Variants in GPHN observed in about 807,000 individuals in gnomAD.
The protein encoded by GPHN is gephyrin.
Under a neutral mutation model 95.5 loss-of-function variants are expected in GPHN, and 17 were observed. The ratio of observed to expected loss-of-function variants is 0.18; its 90% CI spans 0.12 to 0.27. The LOEUF (loss-of-function observed/expected upper bound fraction) is 0.27. Ranked by LOEUF, GPHN falls within the 10% of genes least tolerant of loss-of-function variation. The pLI, the probability that GPHN is intolerant of heterozygous loss-of-function variation, is 1.00. For missense variants in GPHN, 660 were observed against 978.1 expected (o/e 0.67, Z 4.34); for synonymous variants, 320 against 322.5 (o/e 0.99, Z 0.08).
chr14:67,499,671 C>T, the GPHN span, among the ~76,000 whole-genome samples: 181 of 152,078 alleles, frequency 1.2e-3, no homozygotes, highest in Admixed American at 2.7e-3. Flanking sequence ...GAAGCATGGA[C>T]AGGAATAGGG....
intron 4 of GPHN, among the ~76,000 whole-genome samples, chr14:66,832,121 T>G (rs2061603691): frequency 6.6e-6 from 1 of 152,160 alleles, no homozygotes; most frequent in Non-Finnish European, 1.5e-5. Flanking sequence ...CATTCCAACC[T>G]GGGTGACAGA....
At chr14:67,717,176 AG>A in the GPHN span, among the ~76,000 whole-genome samples, 1 of 152,172 alleles carries the variant, frequency 6.6e-6, no homozygotes, top group South Asian at 2.1e-4. Context: ...ATACAGTGAA[AG>A]GCACAAGTCT....
At chr14:67,441,156 C>G in the GPHN span, among the ~76,000 whole-genome samples, 2 of 152,062 alleles carry the variant, frequency 1.3e-5, no homozygotes, top group African/African-American at 4.8e-5. Context: ...AAGAGATTTC[C>G]CAGCTGTGGC....
the GPHN span, among the ~76,000 whole-genome samples, chr14:67,299,540 A>G: frequency 6.6e-6 from 1 of 152,224 alleles, no homozygotes; most frequent in East Asian, 1.9e-4. Context: ...GCTAAAGAAC[A>G]GTACAAGGTC....
the GPHN span, chr14:67,582,095 G>A: frequency 1.2e-6 from 2 of 1,612,366 alleles, no homozygotes; most frequent in Non-Finnish European, 1.7e-6. This position sits in a 1 kb window ranked among gnomAD's most constrained non-coding sequence, Gnocchi z 5.0. Flanking sequence ...CAAGTCAAAG[G>A]GGAGACGGAC....
intron 9 of GPHN, among the ~76,000 whole-genome samples, chr14:66,990,033 A>G (rs1045106911): frequency 9.9e-5 from 15 of 152,168 alleles, no homozygotes; most frequent in Admixed American, 4.6e-4. Flanking sequence ...AAAAGGTCCA[A>G]TTGACTCACA....
chr14:67,610,209 A>T, the GPHN span, among the ~76,000 whole-genome samples: 1 of 152,218 alleles, frequency 6.6e-6, no homozygotes, highest in Non-Finnish European at 1.5e-5. Flanking sequence ...AATTTTAAGT[A>T]ATGAAATATA....
chr14:67,507,964 C>T, the GPHN span, among the ~76,000 whole-genome samples: 1 of 152,046 alleles, frequency 6.6e-6, no homozygotes, highest in Admixed American at 6.6e-5. Flanking sequence ...CATGGAGAAA[C>T]CCTGTCTCTA....
At chr14:66,535,407 A>G (rs2059107102) in intron 1 of GPHN, among the ~76,000 whole-genome samples, 1 of 151,974 alleles carries the variant, frequency 6.6e-6, no homozygotes, top group Non-Finnish European at 1.5e-5. Context: ...AGTTCCTTCA[A>G]TTTTATTTCT....
At chr14:67,247,289 TG>T in the GPHN span, among the ~76,000 whole-genome samples, 3 of 152,222 alleles carry the variant, frequency 2.0e-5, no homozygotes, top group Non-Finnish European at 4.4e-5. Flanking sequence ...CTATTGTAAA[TG>T]GTAATCTAAA....
chr14:67,059,287 G>C (rs1217956777), intron 11 of GPHN, among the ~76,000 whole-genome samples: 1 of 152,098 alleles, frequency 6.6e-6, no homozygotes, highest in Non-Finnish European at 1.5e-5. Context: ...GCATTCCCCA[G>C]TATTTTGTTT....
the GPHN span, among the ~76,000 whole-genome samples, chr14:67,462,190 A>C: frequency 6.6e-6 from 1 of 152,084 alleles, no homozygotes; most frequent in Non-Finnish European, 1.5e-5. Flanking sequence ...AGGATGGGGG[A>C]GTGTGAGGGT....
rs886077282 is a variant in GPHN at position 66,875,969 on chromosome 14, C to A, written c.295-3970C>A. 2.0e-5 allele frequency among the ~76,000 whole-genome samples: 3 copies of A among 152,158 alleles called. No individual in the cohort carries two copies. The East Asian group carries it at 5.8e-4, about 29-fold the overall frequency. On this transcript the variant is annotated intron_variant, in intron 4 of 22. Coordinates refer to ENST00000478722, the MANE Select transcript of GPHN (RefSeq NM_020806.5). ...ATGTACATTCTTCTGAGCACCACAT[C>A]ACACGTATTCTAAAATTGAGAACAT... is the stretch of plus-strand genomic sequence containing the variant.
chr14:67,626,258 GAAA>G, the GPHN span, among the ~76,000 whole-genome samples: 18 of 146,796 alleles, frequency 1.2e-4, no homozygotes, highest in African/African-American at 4.5e-4. Flanking sequence ...TGTCTCAGGG[GAAA>G]AAAAAAACCA....
chr14:67,473,068 G>C, the GPHN span: 1 of 261,998 alleles, frequency 3.8e-6, no homozygotes, highest in South Asian at 6.1e-5. This position sits in a 1 kb window ranked among gnomAD's most constrained non-coding sequence, Gnocchi z 6.5. Context: ...CCTCCCACCT[G>C]CGGCCCCATT....
At chr14:67,174,028 A>G (rs1484234272) in intron 21 of GPHN, among the ~76,000 whole-genome samples, 3 of 152,342 alleles carry the variant, frequency 2.0e-5, no homozygotes, top group African/African-American at 7.2e-5. Flanking sequence ...TAACAATGAA[A>G]AAGAATGAAG....
At chr14:67,443,605 G>A in the GPHN span, among the ~76,000 whole-genome samples, 1 of 151,766 alleles carries the variant, frequency 6.6e-6, no homozygotes, top group East Asian at 1.9e-4. Context: ...AAAGAAAAGA[G>A]AAATAAAAAT....
Position 67,136,630 on chromosome 14 carries a change from A to C in GPHN, c.1749-6732A>C, listed in dbSNP as rs932319533. ...TAAAGAGAATAATACCCCCTTCCCC[A>C]AAAAAATGATACTAGTTTTTCAGGA... On this transcript the variant is annotated intron_variant, in intron 17 of 22. Transcript: ENST00000478722. 3.3e-5 allele frequency among the ~76,000 whole-genome samples: 5 copies of C among 152,086 alleles called. No homozygotes were observed. In the East Asian group the frequency reaches 9.7e-4, roughly 29 times the overall value.
intron 1 of GPHN, among the ~76,000 whole-genome samples, chr14:66,651,325 T>G (rs2065033657): frequency 6.6e-6 from 1 of 152,116 alleles, no homozygotes; most frequent in Non-Finnish European, 1.5e-5. Flanking sequence ...ATAAAATGGC[T>G]CCATTCAAAA....
Sources: allele counts gnomAD v4.1 joint callset (sites outside exome capture counted in the v4.1 genomes callset), GRCh38; gene constraint gnomAD v4.1.1; non-coding constraint Gnocchi (gnomAD v3.1); transcripts MANE v1.5; gene names NCBI Gene and HGNC (gene_info 2026-07-23, HGNC 2026-07-21).